Variants in IPPK observed in about 807,000 individuals in gnomAD.
The protein encoded by IPPK is IPK1 homolog.
A neutral mutation model predicts 64.6 loss-of-function variants in IPPK; 22 were observed. The observed-to-expected ratio is 0.34, with a 90% CI of 0.24 to 0.49. IPPK has a LOEUF of 0.49. IPPK is among the 20% of genes least tolerant of loss of function. The pLI is 0.99. For synonymous variants in IPPK, 262 were observed against 247.2 expected, an observed-to-expected ratio of 1.06 and a Z score of -0.56; for missense variants, 532 against 630.7, an observed-to-expected ratio of 0.84 and a Z score of 1.68.
At chr9:92,656,372 A>T in intron 3 of IPPK, 84 bp downstream of exon 3, 1 of 884,534 alleles carries the variant, frequency 1.1e-6, no homozygotes, top group Non-Finnish European at 1.9e-6. Context: ...ATCATTAAGC[A>T]CAAAGTTCCA....
chr9:92,643,564 T>A (rs1015828769), intron 6 of IPPK, among the ~76,000 whole-genome samples: 1 of 149,260 alleles, frequency 6.7e-6, no homozygotes, highest in Non-Finnish European at 1.5e-5. Flanking sequence ...GGCAGAACAA[T>A]GGATACAGTG....
intron 11 of IPPK, among the ~76,000 whole-genome samples, chr9:92,627,851 A>G (rs575195027): frequency 1.3e-5 from 2 of 152,370 alleles, no homozygotes; most frequent in South Asian, 4.1e-4. Flanking sequence ...TAGTCAGGAA[A>G]TTACGCAAGA....
intron 1 of IPPK, among the ~76,000 whole-genome samples, chr9:92,663,437 C>G (rs536380945): frequency 6.6e-6 from 1 of 152,336 alleles, no homozygotes; most frequent in African/African-American, 2.4e-5. Context: ...AAATGCATCC[C>G]TGGTGTTAAG....
At chr9:92,660,100 G>A (rs1852452169) in intron 1 of IPPK, among the ~76,000 whole-genome samples, 1 of 152,122 alleles carries the variant, frequency 6.6e-6, no homozygotes. Context: ...ATCGACAGAA[G>A]TCCTAACTCT....
chr9:92,613,282 T>A lies in IPPK; in HGVS notation c.*2550A>T. 1.0e-6 allele frequency: 1 copy of A among 967,748 alleles called. No homozygotes were observed. The highest frequency in any genetic ancestry group is 1.6e-6 in the Non-Finnish European group (1 of 644,618). 59.9% of individuals were successfully genotyped at this position (967,748 alleles called of 1,614,324 possible). The stretch of plus-strand genomic sequence containing the variant: ...GTGCTGTCTATGCAGTTATGGCACA[T>A]TATATGGAAACTCTCATGACATGAA... On this transcript the variant is annotated 3_prime_UTR_variant, in exon 13 of 13. Coordinates refer to ENST00000287996, the MANE Select transcript of IPPK (RefSeq NM_022755.6).
intron 11 of IPPK, among the ~76,000 whole-genome samples, chr9:92,621,146 T>C (rs1851614781): frequency 7.6e-6 from 1 of 131,356 alleles, no homozygotes; most frequent in Non-Finnish European, 1.6e-5. Context: ...CCTCATGACC[T>C]AATCACCTCC....
chr9:92,620,911 C>G (rs944864334), intron 11 of IPPK, among the ~76,000 whole-genome samples: 2 of 152,174 alleles, frequency 1.3e-5, no homozygotes, highest in Non-Finnish European at 2.9e-5. Flanking sequence ...GCTGCTATCA[C>G]GAAATGCCCA....
At chr9:92,620,338 T>G (rs777238045) in intron 11 of IPPK, 1 of 152,326 alleles carries the variant, frequency 6.6e-6, no homozygotes, top group Non-Finnish European at 1.5e-5. Flanking sequence ...AAGCTGTACA[T>G]GTGCACATGT....
rs140577106 is a variant in IPPK, at chr9:92,655,664, G to A, written c.225+792C>T. The stretch of plus-strand genomic sequence containing the variant: ...CCTCCTGCCACAGAGGATTCTGGTG[G>A]ATCTTGCCTCCAAGAATGTTCCTTC... On this transcript the variant is annotated intron_variant, in intron 3 of 12. Coordinates refer to ENST00000287996, the MANE Select transcript of IPPK (RefSeq NM_022755.6). Among the ~76,000 whole-genome samples, 508 of 152,296 alleles carry A rather than the reference G, an allele frequency of 3.3e-3. 6 individuals are homozygous for A. Among genetic ancestry groups the A allele is most frequent in the African/African-American group, 0.01 (429 of 41,574 alleles).
At chr9:92,618,096 G>A (rs1851499167) in intron 12 of IPPK, 2 of 375,366 alleles carry the variant, frequency 5.3e-6, no homozygotes, top group Admixed American at 6.7e-5. Flanking sequence ...ACAGTTACTG[G>A]AACTTCACAG....
Position 92,614,572 on chromosome 9 carries a change from A to C in IPPK, c.*1260T>G, listed in dbSNP as rs1334838385. ...CTAGAAGAGTTGCCTTGATTCAAAC[A>C]AGTATAATTCTCAAGTTATCACAAA... On this transcript the variant is annotated 3_prime_UTR_variant, in exon 13 of 13. Coordinates refer to ENST00000287996, the MANE Select transcript of IPPK (RefSeq NM_022755.6). 6.5e-6 allele frequency: 1 copy of C among 152,702 alleles called. No individual in the cohort carries two copies. Among genetic ancestry groups the C allele is most frequent in the Non-Finnish European group, 1.5e-5 (1 of 68,058 alleles). The allele number at this position is 152,702 out of a possible 1,614,324, so 9.5% of individuals were successfully genotyped here.
At chr9:92,643,589 C>CT (rs954206727) in intron 6 of IPPK, among the ~76,000 whole-genome samples, 1 of 135,050 alleles carries the variant, frequency 7.4e-6, no homozygotes, top group African/African-American at 2.6e-5. Context: ...GTCAATTTTG[C>CT]TTAAAAAAAA....
intron 7 of IPPK, among the ~76,000 whole-genome samples, chr9:92,642,335 C>T (rs1326400597): frequency 1.3e-5 from 2 of 152,288 alleles, no homozygotes; most frequent in Non-Finnish European, 2.9e-5. Flanking sequence ...TGATCAGAGG[C>T]TGCAAGCAGA....
At chr9:92,666,322 A>G (rs1448277452) in intron 1 of IPPK, among the ~76,000 whole-genome samples, 1 of 152,200 alleles carries the variant, frequency 6.6e-6, no homozygotes, top group African/African-American at 2.4e-5. Flanking sequence ...TTCATAGGAC[A>G]GGACACTGAG....
rs551018265 is a variant in IPPK, at chr9:92,642,789, G to C, written c.526C>G (p.Gln176Glu). 6.2e-7 allele frequency: 1 copy of C among 1,614,060 alleles called. No homozygotes were observed. The highest frequency in any genetic ancestry group is 1.1e-5 in the South Asian group (1 of 91,076). ...TCAAGGGGACAGTATTTGCTGATCT[G>C]CTTCCACTTCCCAGTTGCTACCTGT... is the stretch of plus-strand genomic sequence containing the variant. ...HLKVATGKWK[Q>E]ISKYCPLDLY... Residue 176 changes from glutamine to glutamate, a missense_variant, in exon 7 of 13, where the codon CAG (glutamine) becomes GAG (glutamate). Gln to Glu is a conservative substitution (Grantham distance 29). Coordinates refer to ENST00000287996, the MANE Select transcript of IPPK (RefSeq NM_022755.6).
intron 1 of IPPK, among the ~76,000 whole-genome samples, chr9:92,663,191 T>C (rs1425761780): frequency 1.3e-5 from 2 of 152,272 alleles, no homozygotes; most frequent in African/African-American, 4.8e-5. Flanking sequence ...GGGTCAGTGA[T>C]GGACTGCATG....
At position 92,613,567 on chromosome 9, in the gene IPPK, G is replaced by A. The variant is rs927884375; in HGVS notation, c.*2265C>T. On this transcript the variant is annotated 3_prime_UTR_variant, in exon 13 of 13. Coordinates refer to ENST00000287996, the MANE Select transcript of IPPK (RefSeq NM_022755.6). Reference sequence around the variant, plus strand: ...GGCTCTGGAGACGGATGCCTATGGCGCCTCATCTTTAAACTGTCCTTAGTA... The same window carrying A: ...GGCTCTGGAGACGGATGCCTATGGCACCTCATCTTTAAACTGTCCTTAGTA... 2.0e-5 allele frequency: 4 copies of A among 200,510 alleles called. No individual in the cohort carries two copies. Among genetic ancestry groups the A allele is most frequent in the Non-Finnish European group, 3.1e-5 (3 of 96,616 alleles). The allele number at this position is 200,510 out of a possible 1,614,324, so 12.4% of individuals were successfully genotyped here. A position where few individuals can be genotyped will look rare whatever the true frequency, so the allele number is the denominator to read the frequency against.
intron 5 of IPPK, among the ~76,000 whole-genome samples, 164 bp downstream of exon 5, chr9:92,649,289 G>C (rs975864772): frequency 6.6e-6 from 1 of 152,190 alleles, no homozygotes; most frequent in Non-Finnish European, 1.5e-5. Flanking sequence ...CCAGAACGCA[G>C]GTGGGGGCTG....
At chr9:92,641,234 T>C (rs1234163354) in intron 7 of IPPK, among the ~76,000 whole-genome samples, 1 of 152,130 alleles carries the variant, frequency 6.6e-6, no homozygotes, top group Non-Finnish European at 1.5e-5. Context: ...AAGGAGAGGC[T>C]AGAGCCCCAG....
Sources: allele counts gnomAD v4.1 joint callset (sites outside exome capture counted in the v4.1 genomes callset), GRCh38; gene constraint gnomAD v4.1.1; transcripts MANE v1.5; gene names NCBI Gene and HGNC (gene_info 2026-07-23, HGNC 2026-07-21).